Variants in SPSB1 observed in about 807,000 individuals in gnomAD.
SPSB1 encodes the protein SPRY domain-containing SOCS box protein 1.
SPSB1 carries 8 observed loss-of-function variants against 21.2 expected under a neutral mutation model. The observed-to-expected ratio is 0.38, with a 90% CI of 0.22 to 0.68. The LOEUF is 0.68. Ranked by LOEUF, SPSB1 falls within the 30% of genes least tolerant of loss-of-function variation. The pLI is 0.53. For synonymous variants in SPSB1, 169 were observed against 161.7 expected, an observed-to-expected ratio of 1.05 and a Z score of -0.34; for missense variants, 242 against 377.8, an observed-to-expected ratio of 0.64 and a Z score of 2.98.
chr1:9,323,458 G>A (rs921387832), intron 1 of SPSB1, among the ~76,000 whole-genome samples: 2 of 152,226 alleles, frequency 1.3e-5, no homozygotes, highest in African/African-American at 4.8e-5. Flanking sequence ...TGCTCAGCCT[G>A]GCACTGGGTA....
At chr1:9,320,586 C>T (rs575515191) in intron 1 of SPSB1, among the ~76,000 whole-genome samples, 2 of 152,362 alleles carry the variant, frequency 1.3e-5, no homozygotes, top group Admixed American at 6.5e-5. Flanking sequence ...AGGAAGCACG[C>T]AGCCCTCTCT....
intron 2 of SPSB1, among the ~76,000 whole-genome samples, chr1:9,366,046 C>T (rs574818177): frequency 5.9e-5 from 9 of 152,330 alleles, no homozygotes; most frequent in African/African-American, 1.4e-4. Context: ...CTGAAGCTGA[C>T]GGCTCATCTG....
intron 2 of SPSB1, among the ~76,000 whole-genome samples, chr1:9,360,213 G>A (rs549424672): frequency 1.5e-4 from 15 of 97,070 alleles, no homozygotes; most frequent in Non-Finnish European, 3.6e-4. Context: ...CAGGAGGGTG[G>A]GGGCTGAAGG....
rs971896678 is a variant in SPSB1 at position 9,355,936 on chromosome 1, G to T, written c.45G>T (p.Arg15Ser). Residue 15 changes from arginine (R) to serine (S), a missense_variant, in exon 2 of 3, where the codon AGG (arginine) becomes AGT (serine). Coordinates refer to ENST00000328089, the MANE Select transcript of SPSB1 (RefSeq NM_025106.4). ...VTGGIKTVDM[R>S]DPTYRPLKQE... ...GAGGGATCAAGACTGTGGACATGAG[G>T]GACCCCACGTACAGGCCCCTGAAGC... The T allele has an allele frequency of 3.1e-6, 5 of 1,608,804 alleles. No homozygotes were observed. Among genetic ancestry groups the T allele is most frequent in the Non-Finnish European group, 3.4e-6 (4 of 1,177,104 alleles).
At chr1:9,357,216 AATGAATGG>A (rs1430613273) in intron 2 of SPSB1, among the ~76,000 whole-genome samples, 1 of 139,270 alleles carries the variant, frequency 7.2e-6, no homozygotes, top group Non-Finnish European at 1.6e-5. Context: ...TGGATCAGTG[AATGAATGG>A]ATGGATGGAT....
At chr1:9,351,238 C>A (rs1341341293) in intron 1 of SPSB1, among the ~76,000 whole-genome samples, 2 of 152,146 alleles carry the variant, frequency 1.3e-5, no homozygotes, top group African/African-American at 2.4e-5. Context: ...GTTTGCTGAC[C>A]CCTGGTTTAG....
At position 9,347,904 on chromosome 1, in the gene SPSB1, G is replaced by A. The variant is rs482215; in HGVS notation, c.-149-7839G>A. 4.4e-3 allele frequency among the ~76,000 whole-genome samples: 674 copies of A among 151,674 alleles called. 6 individuals carry two copies. The highest frequency in any genetic ancestry group is 0.015 in the African/African-American group (628 of 41,366). ...TTCAACACACACCCACAGTGTGTAG[G>A]AGTGTCCTTTCCCCACCTTCTTTGC... On this transcript the variant is annotated intron_variant, in intron 1 of 2. Coordinates refer to ENST00000328089, the MANE Select transcript of SPSB1 (RefSeq NM_025106.4).
intron 1 of SPSB1, among the ~76,000 whole-genome samples, chr1:9,312,129 C>G (rs1408772820): frequency 6.6e-6 from 1 of 152,032 alleles, no homozygotes; most frequent in African/African-American, 2.4e-5. Flanking sequence ...AGACACATGC[C>G]ACCACGCTTG....
chr1:9,320,399 C>T (rs1031387763), intron 1 of SPSB1, among the ~76,000 whole-genome samples: 6 of 152,258 alleles, frequency 3.9e-5, no homozygotes, highest in Admixed American at 3.9e-4. Context: ...TTTCCTCCCC[C>T]TGCCCTGCCC....
In SPSB1 at chr1:9,294,275, T is replaced by A. The variant is rs1313598841; in HGVS notation, c.-150+1204T>A. Among the ~76,000 whole-genome samples the A allele has an allele frequency of 1.1e-4, 16 of 152,088 alleles. 1 individual carries two copies. The East Asian group carries it at 2.1e-3, about 20-fold the overall frequency. ...GTGTGTCCACACGTGTCTCTGTGTC[T>A]GTCTCTGTGTCTGTGTCTCTGAGTG... is the stretch of plus-strand genomic sequence containing the variant. On this transcript the variant is annotated intron_variant, in intron 1 of 2. Transcript: ENST00000328089.
chr1:9,357,007 G>A (rs1640375123), intron 2 of SPSB1, among the ~76,000 whole-genome samples: 1 of 151,926 alleles, frequency 6.6e-6, no homozygotes, highest in Non-Finnish European at 1.5e-5. Context: ...GTGGATGAGT[G>A]TTTAGATTGA....
chr1:9,367,581 G>T lies in SPSB1; in HGVS notation c.*6G>T, dbSNP rs781568490. The T allele has an allele frequency of 6.2e-7, 1 of 1,600,414 alleles. No individual in the cohort carries two copies. Among genetic ancestry groups the T allele is most frequent in the Non-Finnish European group, 8.5e-7 (1 of 1,171,270 alleles). ...CCTACCTCCTCTACCAGTGACGTTC[G>T]CCATCATACCGCCAGCGCGACAGCC... On this transcript the variant is annotated 3_prime_UTR_variant, in exon 3 of 3. Coordinates refer to ENST00000328089, the MANE Select transcript of SPSB1 (RefSeq NM_025106.4). This position sits in a 1 kb window ranked among gnomAD's most constrained non-coding sequence, Gnocchi z 5.9.
Position 9,324,995 on chromosome 1 carries a change from AGCCC to A in SPSB1, c.-149-30747_-149-30744del, listed in dbSNP as rs1557453201. ...GTGAGCGGGTCAGTACTGGGTAGGC[AGCCC>A]CATTGGGAGCCACAGCCACTCACTG... is the stretch of plus-strand genomic sequence containing the variant. On this transcript the variant is annotated intron_variant, in intron 1 of 2. Coordinates refer to ENST00000328089, the MANE Select transcript of SPSB1 (RefSeq NM_025106.4). The surrounding 1 kb of genome is among the most constrained non-coding windows in gnomAD (Gnocchi z 4.3). 6.6e-6 allele frequency among the ~76,000 whole-genome samples: 1 copy of A among 152,212 alleles called. No individual in the cohort carries two copies. Among genetic ancestry groups the A allele is most frequent in the Non-Finnish European group, 1.5e-5 (1 of 68,022 alleles).
chr1:9,319,046 C>T (rs944212571), intron 1 of SPSB1, among the ~76,000 whole-genome samples: 4 of 152,078 alleles, frequency 2.6e-5, no homozygotes, highest in Admixed American at 6.6e-5. Flanking sequence ...GGCATGGTGG[C>T]GCACCCCTGT....
At chr1:9,357,902 G>A (rs575221149) in intron 2 of SPSB1, among the ~76,000 whole-genome samples, 7 of 152,300 alleles carry the variant, frequency 4.6e-5, no homozygotes, top group African/African-American at 1.2e-4. Context: ...CAAGTCCCAC[G>A]TTGGGAAGCA....
At chr1:9,326,212 A>G (rs1310497239) in intron 1 of SPSB1, among the ~76,000 whole-genome samples, 1 of 152,078 alleles carries the variant, frequency 6.6e-6, no homozygotes, top group Non-Finnish European at 1.5e-5. Flanking sequence ...GACTTCTTCA[A>G]TAACAAAGAA....
At chr1:9,355,421 G>A (rs1441683549) in intron 1 of SPSB1, among the ~76,000 whole-genome samples, 2 of 152,226 alleles carry the variant, frequency 1.3e-5, no homozygotes, top group East Asian at 3.8e-4. Flanking sequence ...ATGGCCTTCC[G>A]CCCTGTGGAA....
At chr1:9,298,121 T>G (rs1639255309) in intron 1 of SPSB1, among the ~76,000 whole-genome samples, 1 of 152,200 alleles carries the variant, frequency 6.6e-6, no homozygotes. Context: ...GTCTGACTTG[T>G]GTGGATCTAT....
Sources: gnomAD v4.1 joint callset for allele counts (sites outside exome capture counted in the v4.1 genomes callset) on GRCh38, gnomAD v4.1.1 for gene constraint, Gnocchi (gnomAD v3.1) non-coding constraint, MANE v1.5 for transcripts, NCBI Gene and HGNC (gene_info 2026-07-23, HGNC 2026-07-21) for gene names.